DNAJC4: variants seen among roughly 807,000 people sequenced by gnomAD.
DNAJC4 encodes the protein dnaJ homolog subfamily C member 4.
DNAJC4 carries 26 observed loss-of-function variants against 26.8 expected under a neutral mutation model. That is an observed-to-expected ratio of 0.97 (90% CI 0.71 to 1.34). The LOEUF (loss-of-function observed/expected upper bound fraction) is 1.34, where lower values mean the gene tolerates loss of function less well. DNAJC4 is among the 40% of genes most tolerant of loss of function. The pLI is 0.00. For missense variants in DNAJC4, 342 were observed against 321.1 expected (o/e 1.07, Z -0.50); for synonymous variants, 134 against 127.8 (o/e 1.05, Z -0.33).
At chr11:64,233,044 A>G (rs1291854396) in intron 4 of DNAJC4, 179 bp downstream of exon 4, 1 of 552,200 alleles carries the variant, frequency 1.8e-6, no homozygotes, top group African/African-American at 1.9e-5. Flanking sequence ...CGCTGCACCA[A>G]GAGCTAACGT....
rs765872427 is a variant in DNAJC4, at chr11:64,231,941, G to A, written c.157G>A (p.Ala53Thr). Residue 53 changes from alanine to threonine, a missense_variant, in exon 2 of 6, where the codon GCT (alanine) becomes ACT (threonine). Transcript: ENST00000628077. ...TGCCAGCACTGAGGAAGTTAAACGA[G>A]CTTTCTTCTCCAAGTCCAAAGAGGT... ...PGASTEEVKR[A>T]FFSKSKELHP... The A allele has an allele frequency of 2.5e-6, 4 of 1,613,960 alleles. No homozygotes were observed. The African/African-American group carries it at 5.3e-5, about 22-fold the overall frequency.
chr11:64,232,482 A>C lies in DNAJC4; in HGVS notation c.233A>C (p.Glu78Ala), dbSNP rs1947188410. The C allele has an allele frequency of 1.9e-6, 3 of 1,609,100 alleles. No individual in the cohort carries two copies. Among genetic ancestry groups the C allele is most frequent in the Non-Finnish European group, 2.6e-6 (3 of 1,176,332 alleles). The change falls in exon 3 of 6, where the codon GAG becomes GCG. Residue 78 changes from glutamate (E) to alanine (A), a missense_variant. Physicochemically the swap from Glu to Ala is moderately radical, Grantham distance 107 (BLOSUM62 -1). Transcript: ENST00000628077. ...CCAAGCCTGCACAGCCGCTTTGTGG[A>C]GCTGAGCGAGGCATACCGTGTGCTC... is the stretch of plus-strand genomic sequence containing the variant. Reference protein sequence around the residue: ...GNPSLHSRFVELSEAYRVLSR... With the variant: ...GNPSLHSRFVALSEAYRVLSR...
rs931166740 is a variant in DNAJC4, at chr11:64,233,962, A to G, written c.596A>G (p.Glu199Gly). ...CGGATCATCACAGCCTTCTACAACG[A>G]AGCCCGGGCACGGGCCAGGTCTGTC... ...KDRIITAFYN[E>G]ARARARANRG... is the part of the protein sequence containing the mutation. The change falls in exon 5 of 6, where the codon GAA becomes GGA. Residue 199 changes from glutamate to glycine, a missense_variant. Glu to Gly is a moderately conservative substitution (Grantham distance 98). Coordinates refer to ENST00000628077, the MANE Select transcript of DNAJC4 (RefSeq NM_005528.4). The G allele has an allele frequency of 1.2e-6, 2 of 1,614,082 alleles. No homozygotes were observed. The highest frequency in any genetic ancestry group is 8.5e-7 in the Non-Finnish European group (1 of 1,180,012).
At position 64,230,952 on chromosome 11, in the gene DNAJC4, GC is replaced by G; in HGVS notation, c.86+13del. ...GCCGCCGGGCAGCGGTGAGTTGGGC[GC>G]GGGGGGCCGGCCCGGTTGTTCAATG... On this transcript the variant is annotated intron_variant, in intron 1 of 5. Coordinates refer to ENST00000628077, the MANE Select transcript of DNAJC4 (RefSeq NM_005528.4). 1 of 1,542,400 alleles carries G rather than the reference GC, an allele frequency of 6.5e-7. No homozygotes were observed. Among genetic ancestry groups the G allele is most frequent in the Non-Finnish European group, 8.7e-7 (1 of 1,149,166 alleles).
intron 1 of DNAJC4, chr11:64,231,223 G>T (rs1565313969): frequency 1.8e-6 from 1 of 558,660 alleles, no homozygotes; most frequent in African/African-American, 1.9e-5. Flanking sequence ...CCCTCTGTGG[G>T]GGGTGGGAGA....
At position 64,231,087 on chromosome 11, in the gene DNAJC4, T is replaced by C. The variant is rs985876306; in HGVS notation, c.86+147T>C. 5.6e-6 allele frequency: 6 copies of C among 1,073,936 alleles called. No homozygotes were observed. The Middle Eastern group carries it at 5.9e-4, about 105-fold the overall frequency. 66.5% of individuals were successfully genotyped at this position (1,073,936 alleles called of 1,614,324 possible). ...CGCCTTCCCTGCTGAGGATCAGAGA[T>C]AGAGAAGACCCCCAAGGTCATACAC... On this transcript the variant is annotated intron_variant, in intron 1 of 5. Transcript: ENST00000628077.
chr11:64,234,010 TC>T lies in DNAJC4; in HGVS notation c.614+33del. ...GTCCCTGCTCTATTCTGCTCCCTGC[TC>T]CCTGTCCAGGAACCACACTTCGGGA... On this transcript the variant is annotated intron_variant, in intron 5 of 5. Coordinates refer to ENST00000628077, the MANE Select transcript of DNAJC4 (RefSeq NM_005528.4). The surrounding 1 kb of genome is among the most constrained non-coding windows in gnomAD (Gnocchi z 5.3). 3 of 1,613,980 alleles carry T rather than the reference TC, an allele frequency of 1.9e-6. No individual in the cohort carries two copies. The highest frequency in any genetic ancestry group is 2.5e-6 in the Non-Finnish European group (3 of 1,180,010).
chr11:64,233,702 G>A, intron 4 of DNAJC4, 192 bp from the exon 5 acceptor site: 2 of 679,008 alleles, frequency 2.9e-6, no homozygotes, highest in East Asian at 2.7e-5. Flanking sequence ...CAGGGACTTC[G>A]GATGCCATTG....
chr11:64,231,851 G>A lies in DNAJC4; in HGVS notation c.87-20G>A, dbSNP rs372468022. On this transcript the variant is annotated intron_variant, in intron 1 of 5. Transcript: ENST00000628077. ...TCTGGGTTCCTTCAGCCCCTGCAAG[G>A]TTTGGGACTCTGTCCACAGGTCCAG... The A allele has an allele frequency of 1.2e-5, 20 of 1,613,696 alleles. No homozygotes were observed. In the Admixed American group the frequency reaches 3.2e-4, roughly 26 times the overall value.
In DNAJC4 at chr11:64,230,906, C is replaced by A; in HGVS notation, c.52C>A (p.Pro18Thr). 1 of 1,586,998 alleles carries A rather than the reference C, an allele frequency of 6.3e-7. No individual in the cohort carries two copies. The highest frequency in any genetic ancestry group is 2.3e-5 in the East Asian group (1 of 43,834). The change falls in exon 1 of 6, where the codon CCC (proline) becomes ACC (threonine). Residue 18 changes from proline (P) to threonine (T), a missense_variant. Pro to Thr is a conservative substitution (Grantham distance 38). Coordinates refer to ENST00000628077, the MANE Select transcript of DNAJC4 (RefSeq NM_005528.4). ...GTGCCGGCTGTGGCCCCGCAACCCTCCCTCCCGGCTCCTCGGAGCGGCCGC... is the reference window on the plus strand; with the variant it reads ...GTGCCGGCTGTGGCCCCGCAACCCTACCTCCCGGCTCCTCGGAGCGGCCGC... ...RLCRLWPRNP[P>T]SRLLGAAAGQ...
chr11:64,230,999 GC>G, intron 1 of DNAJC4, 59 bp downstream of exon 1: 1 of 1,530,470 alleles, frequency 6.5e-7, no homozygotes, highest in Non-Finnish European at 8.8e-7. Context: ...TGCCCTACGT[GC>G]TGAGTTAGTT....
rs1565315595 is a variant in DNAJC4 at position 64,234,134 on chromosome 11, T to G, written c.676T>G (p.Ser226Ala). The change falls in exon 6 of 6, where the codon TCC (serine) becomes GCC (alanine). Residue 226 changes from serine to alanine, a missense_variant. By Grantham distance (99) the Ser-to-Ala change is moderately conservative (BLOSUM62 1). Transcript: ENST00000628077. This position sits in a 1 kb window ranked among gnomAD's most constrained non-coding sequence, Gnocchi z 5.3. ...QRLGQRQPPP[S>A]EPTQGPEIVP... ...GCTAGGGCAGCGGCAGCCGCCACCATCCGAGCCAACCCAAGGCCCCGAGAT... is the reference window on the plus strand; with the variant it reads ...GCTAGGGCAGCGGCAGCCGCCACCAGCCGAGCCAACCCAAGGCCCCGAGAT... 1.9e-6 allele frequency: 3 copies of G among 1,598,274 alleles called. No individual in the cohort carries two copies. Among genetic ancestry groups the G allele is most frequent in the Non-Finnish European group, 2.6e-6 (3 of 1,174,598 alleles).
intron 4 of DNAJC4, chr11:64,233,097 G>C (rs1309000536): frequency 1.9e-5 from 8 of 430,532 alleles, no homozygotes; most frequent in Non-Finnish European, 2.7e-5. Context: ...AATCTTTCAT[G>C]CTGGCTGCCA....
rs1017807982 is a variant in DNAJC4, at chr11:64,231,110, C to T, written c.86+170C>T. ...GATAGAGAAGACCCCCAAGGTCATA[C>T]ACCGATTTAAGCGGCAGAGGAGGAA... On this transcript the variant is annotated intron_variant, in intron 1 of 5. Transcript: ENST00000628077. 7.9e-6 allele frequency: 7 copies of T among 886,128 alleles called. No individual in the cohort carries two copies. In the African/African-American group the frequency reaches 8.3e-5, roughly 10 times the overall value. 54.9% of individuals were successfully genotyped at this position (886,128 alleles called of 1,614,324 possible). A position where few individuals can be genotyped will look rare whatever the true frequency, so the allele number is the denominator to read the frequency against.
chr11:64,231,644 A>G (rs571985818), intron 1 of DNAJC4: 16 of 507,294 alleles, frequency 3.2e-5, no homozygotes, highest in African/African-American at 2.9e-4. Flanking sequence ...CTGTCCAGGA[A>G]TCAGTTTTTT....
chr11:64,230,839 C>A lies in DNAJC4; in HGVS notation c.-16C>A. ...CGCTCTTGGTAGCCTCCTTTCCCAG[C>A]TGCCCGCCCGCCGCCATGCCGCCCT... On this transcript the variant is annotated 5_prime_UTR_variant, in exon 1 of 6. The change creates a new upstream start codon in the 5' untranslated region. Coordinates refer to ENST00000628077, the MANE Select transcript of DNAJC4 (RefSeq NM_005528.4). 6.3e-7 allele frequency: 1 copy of A among 1,592,224 alleles called. No homozygotes were observed. Among genetic ancestry groups the A allele is most frequent in the South Asian group, 1.1e-5 (1 of 88,160 alleles).
intron 1 of DNAJC4, 85 bp downstream of exon 1, chr11:64,231,025 G>T: frequency 6.7e-7 from 1 of 1,488,124 alleles, no homozygotes; most frequent in Middle Eastern, 1.7e-4. Context: ...TCTCTACTCC[G>T]TGTCAGGAGG....
Position 64,232,966 on chromosome 11 carries a change from T to C in DNAJC4, c.527+101T>C. The stretch of plus-strand genomic sequence containing the variant: ...CCACAGCACCTCGTGGCCCGTACTC[T>C]TGTGTCTCTCAAGCTAAGAGCTGCT... On this transcript the variant is annotated intron_variant, in intron 4 of 5. Transcript: ENST00000628077. 7 of 1,359,620 alleles carry C rather than the reference T, an allele frequency of 5.1e-6. No homozygotes were observed. The South Asian group carries it at 8.9e-5, about 17-fold the overall frequency. The allele number at this position is 1,359,620 out of a possible 1,614,324, so 84.2% of individuals were successfully genotyped here. A position where few individuals can be genotyped will look rare whatever the true frequency, so the allele number is the denominator to read the frequency against.
rs753390421 is a variant in DNAJC4, at chr11:64,231,948, T to C, written c.164T>C (p.Phe55Ser). The C allele has an allele frequency of 1.9e-6, 3 of 1,614,024 alleles. No homozygotes were observed. In the South Asian group the frequency reaches 3.3e-5, roughly 18 times the overall value. ...ACTGAGGAAGTTAAACGAGCTTTCT[T>C]CTCCAAGTCCAAAGAGGTACCCGTA... ...ASTEEVKRAF[F>S]SKSKELHPDR... The change falls in exon 2 of 6, where the codon TTC (phenylalanine) becomes TCC (serine). Residue 55 changes from phenylalanine to serine, a missense_variant. By Grantham distance (155) the Phe-to-Ser change is radical. Transcript: ENST00000628077.
Sources: allele counts gnomAD v4.1 joint callset, GRCh38; gene constraint gnomAD v4.1.1; non-coding constraint Gnocchi (gnomAD v3.1); transcripts MANE v1.5; gene names NCBI Gene and HGNC (gene_info 2026-07-23, HGNC 2026-07-21).